Variants in LYZL2 observed in about 807,000 individuals in gnomAD.
LYZL2 encodes the protein lysozyme like 2, also known as lysozyme-like protein 2.
A neutral mutation model predicts 17.1 loss-of-function variants in LYZL2; 13 were observed. The observed-to-expected ratio is 0.76, with a 90% CI of 0.49 to 1.21. LYZL2 has a LOEUF of 1.21. Ranked by LOEUF, LYZL2 falls within the 50% of genes most tolerant of loss-of-function variation. The pLI, the probability that LYZL2 is intolerant of heterozygous loss-of-function variation, is 0.00. For synonymous variants in LYZL2, 63 were observed against 74.4 expected (o/e 0.85, Z 0.79); for missense variants, 166 against 189.2 (o/e 0.88, Z 0.72).
rs372182093 is a variant in LYZL2 at position 30,626,821 on chromosome 10, G to A, written c.95C>T (p.Ser32Leu). ...YTRCKLAKIF[S>L]RAGLDNYWGF... ...CCAGTAATTGTCCAGGCCAGCCCTCGAGAATATTTTTGCCAGTTTGCAACG... is the reference window on the plus strand; with the variant it reads ...CCAGTAATTGTCCAGGCCAGCCCTCAAGAATATTTTTGCCAGTTTGCAACG... The change falls in exon 2 of 5, where the codon TCG becomes TTG. Residue 32 changes from serine to leucine, a missense_variant. Around this residue, in one of 2 missense-constraint regions of LYZL2, gnomAD observed 32 missense variants for 59.8 expected, o/e 0.53. Coordinates refer to ENST00000647634, the MANE Select transcript of LYZL2 (RefSeq NM_183058.3). 528 of 1,613,978 alleles carry A rather than the reference G, an allele frequency of 3.3e-4. No individual in the cohort carries two copies. The highest frequency in any genetic ancestry group is 7.7e-4 in the South Asian group (70 of 90,896).
intron 3 of LYZL2, among the ~76,000 whole-genome samples, chr10:30,614,883 T>C (rs1482659371): frequency 2.0e-5 from 3 of 152,232 alleles, no homozygotes; most frequent in Admixed American, 2.0e-4. Flanking sequence ...AGTGGTTTAC[T>C]ATAGCATTAT....
Position 30,611,921 on chromosome 10 carries a change from C to A in LYZL2, c.*34G>T, listed in dbSNP as rs763701672. The A allele has an allele frequency of 1.2e-6, 2 of 1,614,112 alleles. No homozygotes were observed. Among genetic ancestry groups the A allele is most frequent in the South Asian group, 1.1e-5 (1 of 91,084 alleles). ...TGGACATTCACTGCAAACCCTAGGG[C>A]GTTGCTGCAAAGCATCCTGGGTCCA... On this transcript the variant is annotated 3_prime_UTR_variant, in exon 5 of 5. Coordinates refer to ENST00000647634, the MANE Select transcript of LYZL2 (RefSeq NM_183058.3).
rs9954 is a variant in LYZL2 at position 30,612,827 on chromosome 10, G to T, written c.372C>A (p.Asn124Lys). 11 of 1,610,750 alleles carry T rather than the reference G, an allele frequency of 6.8e-6. No homozygotes were observed. The highest frequency in any genetic ancestry group is 8.5e-6 in the Non-Finnish European group (10 of 1,177,154). Residue 124 changes from asparagine (N) to lysine (K), a missense_variant, in exon 4 of 5, where the codon AAC becomes AAA. Physicochemically the swap from Asn to Lys is moderately conservative, Grantham distance 94 (BLOSUM62 0). This residue lies in a region of LYZL2 where 134 missense variants were observed against 129.4 expected (regional missense o/e 1.04). Coordinates refer to ENST00000647634, the MANE Select transcript of LYZL2 (RefSeq NM_183058.3). Reference protein sequence around the residue: ...KKIVKETQGMNYWQGWKKHCE... With the variant: ...KKIVKETQGMKYWQGWKKHCE... ...TTCCAAGGAAAGACTCTTACCAATA[G>T]TTCATTCCTTGTGTCTCTTTAACAA...
downstream of LYZL2, among the ~76,000 whole-genome samples, chr10:30,607,204 G>A (rs971142061): frequency 4.8e-3 from 47 of 9,812 alleles, no homozygotes; most frequent in African/African-American, 0.052. Flanking sequence ...GAGCCACCGC[G>A]CCCAGCCTAT....
intron 3 of LYZL2, 104 bp downstream of exon 3, chr10:30,626,001 T>C: frequency 1.3e-6 from 2 of 1,521,262 alleles, no homozygotes; most frequent in Non-Finnish European, 8.8e-7. Flanking sequence ...TATTTGCAAG[T>C]CTGAACTCCA....
downstream of LYZL2, among the ~76,000 whole-genome samples, chr10:30,608,606 C>A (rs1332833000): frequency 6.6e-6 from 1 of 152,150 alleles, no homozygotes; most frequent in African/African-American, 2.4e-5. Context: ...CTCTTGGATT[C>A]TCTGCTGTCG....
At chr10:30,610,327 G>T (rs1014883646), downstream of LYZL2, among the ~76,000 whole-genome samples, 5 of 152,012 alleles carry the variant, frequency 3.3e-5, no homozygotes, top group African/African-American at 1.2e-4. Context: ...GCAGGATTTG[G>T]GGTAAAAGCT....
chr10:30,611,895 T>C lies in LYZL2; in HGVS notation c.*60A>G, dbSNP rs1334146854. The C allele has an allele frequency of 7.4e-6, 12 of 1,612,822 alleles. No individual in the cohort carries two copies. Among genetic ancestry groups the C allele is most frequent in the African/African-American group, 1.3e-5 (1 of 74,864 alleles). ...AAACGGGACAAGATGACACAGGCAT[T>C]TGGACATTCACTGCAAACCCTAGGG... On this transcript the variant is annotated 3_prime_UTR_variant, in exon 5 of 5. Transcript: ENST00000647634.
downstream of LYZL2, among the ~76,000 whole-genome samples, chr10:30,610,827 G>A (rs754263082): frequency 2.6e-5 from 4 of 152,094 alleles, no homozygotes; most frequent in East Asian, 5.8e-4. Context: ...AATGCCGAAT[G>A]CAAAATACAG....
At position 30,611,907 on chromosome 10, in the gene LYZL2, T is replaced by C; in HGVS notation, c.*48A>G. ...ATGACACAGGCATTTGGACATTCAC[T>C]GCAAACCCTAGGGCGTTGCTGCAAA... On this transcript the variant is annotated 3_prime_UTR_variant, in exon 5 of 5. Coordinates refer to ENST00000647634, the MANE Select transcript of LYZL2 (RefSeq NM_183058.3). 1 of 1,613,792 alleles carries C rather than the reference T, an allele frequency of 6.2e-7. No homozygotes were observed. The highest frequency in any genetic ancestry group is 1.7e-4 in the Middle Eastern group (1 of 6,058).
chr10:30,613,767 GTGCAGTGGCATGATAATAGCTCAC>G (rs886744161), intron 3 of LYZL2, among the ~76,000 whole-genome samples: 1 of 152,144 alleles, frequency 6.6e-6, no homozygotes, highest in Non-Finnish European at 1.5e-5. Context: ...CCAGGCTGGA[GTGCAGTGGCATGATAATAGCTCAC>G]TGCAGCCTCA....
At chr10:30,607,680 C>G (rs576351554), downstream of LYZL2, among the ~76,000 whole-genome samples, 5 of 151,872 alleles carry the variant, frequency 3.3e-5, no homozygotes, top group South Asian at 1.0e-3. Context: ...CCCTAAGGAG[C>G]CTCATGTTAC....
downstream of LYZL2, among the ~76,000 whole-genome samples, chr10:30,611,453 C>T (rs1380488807): frequency 2.2e-5 from 3 of 139,060 alleles, no homozygotes; most frequent in South Asian, 2.3e-4. Flanking sequence ...GGGCTGAAAT[C>T]GTACGACTGC....
At chr10:30,612,749 A>G (rs1838464139) in intron 4 of LYZL2, 73 bp downstream of exon 4, 1 of 1,210,570 alleles carries the variant, frequency 8.3e-7, no homozygotes, top group Non-Finnish European at 1.2e-6. Context: ...TGTCAATTCC[A>G]CCATAACTGT....
chr10:30,611,700 GAA>G (rs58337423), downstream of LYZL2: 20 of 362,958 alleles, frequency 5.5e-5, no homozygotes, highest in Non-Finnish European at 8.1e-5. Flanking sequence ...AAGAAAGAAA[GAA>G]AAAGAAAGAA....
downstream of LYZL2, among the ~76,000 whole-genome samples, chr10:30,610,088 T>A (rs1416555621): frequency 6.6e-6 from 1 of 150,738 alleles, no homozygotes; most frequent in East Asian, 2.0e-4. Flanking sequence ...AGGCCACAAA[T>A]AAAATACATG....
chr10:30,627,181 G>A lies in LYZL2; in HGVS notation c.-25-241C>T, dbSNP rs1426519443. 8.7e-3 allele frequency among the ~76,000 whole-genome samples: 1,281 copies of A among 148,036 alleles called. 11 individuals carry two copies. The highest frequency in any genetic ancestry group is 0.023 in the African/African-American group (942 of 40,700). Reference sequence around the variant, plus strand: ...GCTGTGTTCTCAGGGTTAAGTAAGTGAAAAAATTAACCTTCCTTAATACAC... The same window carrying A: ...GCTGTGTTCTCAGGGTTAAGTAAGTAAAAAAATTAACCTTCCTTAATACAC... On this transcript the variant is annotated intron_variant, in intron 1 of 4. Coordinates refer to ENST00000647634, the MANE Select transcript of LYZL2 (RefSeq NM_183058.3).
At chr10:30,623,684 T>C (rs537130593) in intron 3 of LYZL2, among the ~76,000 whole-genome samples, 1 of 152,318 alleles carries the variant, frequency 6.6e-6, no homozygotes, top group African/African-American at 2.4e-5. Context: ...GATGGGACTG[T>C]CTAGTTGCAG....
At chr10:30,625,625 A>C (rs1838689394) in intron 3 of LYZL2, among the ~76,000 whole-genome samples, 1 of 152,164 alleles carries the variant, frequency 6.6e-6, no homozygotes, top group South Asian at 2.1e-4. Flanking sequence ...TCAAGACTGC[A>C]ATGAGCTATG....
Sources: gnomAD v4.1 joint callset for allele counts (sites outside exome capture counted in the v4.1 genomes callset) on GRCh38, gnomAD v4.1.1 for gene constraint, gnomAD v4.1.1 regional missense constraint, MANE v1.5 for transcripts, NCBI Gene and HGNC (gene_info 2026-07-23, HGNC 2026-07-21) for gene names.